The following C13orf42 variants were observed in gnomAD, a reference collection of about 807,000 sequenced individuals.
C13orf42 encodes the protein chromosome 13 open reading frame 42.
intron 1 of C13orf42, among the ~76,000 whole-genome samples, chr13:51,152,920 G>A (rs145502861): frequency 3.0e-4 from 46 of 152,216 alleles, no homozygotes; most frequent in South Asian, 2.1e-4. Context: ...GCAGAGCTGC[G>A]TCATGTTCGC....
At chr13:51,141,101 T>TGG (rs1050568145) in intron 1 of C13orf42, among the ~76,000 whole-genome samples, 6 of 115,390 alleles carry the variant, frequency 5.2e-5, no homozygotes, top group Non-Finnish European at 1.1e-4. Context: ...GGGAGGTGTG[T>TGG]GTGTGTGTGT....
chr13:51,147,728 C>CAAAAAAAAACAAAT (rs1042760237), intron 1 of C13orf42, among the ~76,000 whole-genome samples: 8 of 25,954 alleles, frequency 3.1e-4, no homozygotes, highest in African/African-American at 2.0e-3. Flanking sequence ...GACTGTGTCT[C>CAAAAAAAAACAAAT]AAAAAAAAAC....
intron 1 of C13orf42, among the ~76,000 whole-genome samples, chr13:51,134,270 T>C (rs9563027): frequency 0.38 from 57,535 of 151,972 alleles, 11,673 homozygotes; most frequent in African/African-American, 0.53. Context: ...GGGTTCAACA[T>C]ATTCAATGAC....
chr13:51,149,099 T>G (rs535125588), intron 1 of C13orf42, among the ~76,000 whole-genome samples: 48 of 152,298 alleles, frequency 3.2e-4, no homozygotes, highest in African/African-American at 1.1e-3. Flanking sequence ...CAAGAAGGGC[T>G]GGGCAAGAAT....
intron 1 of C13orf42, among the ~76,000 whole-genome samples, chr13:51,147,692 GCA>G (rs1953748215): frequency 6.6e-6 from 1 of 151,928 alleles, no homozygotes; most frequent in East Asian, 1.9e-4. Context: ...TCGCACCATT[GCA>G]CTCCAGCCTG....
intron 1 of C13orf42, among the ~76,000 whole-genome samples, chr13:51,168,939 T>C (rs1334212841): frequency 6.6e-6 from 1 of 152,200 alleles, no homozygotes; most frequent in African/African-American, 2.4e-5. Context: ...TAATTGTAAG[T>C]TTCCTGAGGC....
chr13:51,171,484 G>A (rs1201339650), intron 1 of C13orf42, among the ~76,000 whole-genome samples: 2 of 151,788 alleles, frequency 1.3e-5, no homozygotes, highest in Admixed American at 6.6e-5. Flanking sequence ...CCCAAGCGTC[G>A]CTGAGTCTTT....
At chr13:51,121,033 G>A (rs1377930148) in intron 1 of C13orf42, among the ~76,000 whole-genome samples, 3 of 152,102 alleles carry the variant, frequency 2.0e-5, no homozygotes, top group African/African-American at 4.8e-5. Context: ...ATAAATGCCC[G>A]TCATAATAAA....
At chr13:51,164,479 T>C (rs1953890374) in intron 1 of C13orf42, among the ~76,000 whole-genome samples, 2 of 152,018 alleles carry the variant, frequency 1.3e-5, no homozygotes, top group South Asian at 4.2e-4. Flanking sequence ...CTAGGCAACA[T>C]AGTGAGACCC....
chr13:51,141,576 G>C (rs12873258), intron 1 of C13orf42, among the ~76,000 whole-genome samples: 18,888 of 151,990 alleles, frequency 0.12, 1,295 homozygotes, highest in African/African-American at 0.16. Flanking sequence ...GAGGTGGGCG[G>C]GTCATGAGGT....
chr13:51,169,230 T>C (rs1175724721), intron 1 of C13orf42, among the ~76,000 whole-genome samples: 1 of 152,176 alleles, frequency 6.6e-6, no homozygotes, highest in African/African-American at 2.4e-5. Context: ...CTTGTTAAAT[T>C]GTTGTGCCCA....
intron 1 of C13orf42, among the ~76,000 whole-genome samples, chr13:51,126,106 T>C (rs535125624): frequency 1.3e-5 from 2 of 152,242 alleles, no homozygotes; most frequent in South Asian, 4.1e-4. Context: ...GCCGGGTGGA[T>C]GTATATTCAC....
At chr13:51,153,344 C>G (rs1022173860) in intron 1 of C13orf42, among the ~76,000 whole-genome samples, 1 of 151,978 alleles carries the variant, frequency 6.6e-6, no homozygotes, top group East Asian at 1.9e-4. Flanking sequence ...CCCAGGGCAT[C>G]AAGATGAGGT....
rs1394745276 is a variant in C13orf42, at chr13:51,086,187, G to A, written c.563-628C>T. 2.0e-5 allele frequency among the ~76,000 whole-genome samples: 3 copies of A among 152,048 alleles called. No homozygotes were observed. The East Asian group carries it at 5.8e-4, about 29-fold the overall frequency. Reference sequence around the variant, plus strand: ...CCGGGCGTGGTGGTGAGCGCCCGTAGTCCCAGCTACTCGGGAGGCTGAGGC... The same window carrying A: ...CCGGGCGTGGTGGTGAGCGCCCGTAATCCCAGCTACTCGGGAGGCTGAGGC... On this transcript the variant is annotated intron_variant, in intron 2 of 3. Transcript: ENST00000563710.
At chr13:51,121,082 G>A (rs1953531263) in intron 1 of C13orf42, among the ~76,000 whole-genome samples, 1 of 152,130 alleles carries the variant, frequency 6.6e-6, no homozygotes, top group African/African-American at 2.4e-5. Flanking sequence ...GGGTTTTAAG[G>A]GTTCTCCAGC....
intron 1 of C13orf42, among the ~76,000 whole-genome samples, chr13:51,168,692 T>C (rs1485926743): frequency 6.6e-6 from 1 of 152,248 alleles, no homozygotes; most frequent in Non-Finnish European, 1.5e-5. Context: ...TAATATGGTT[T>C]GAATGTCTGT....
At chr13:51,095,773 C>T (rs1396148160) in intron 1 of C13orf42, among the ~76,000 whole-genome samples, 1 of 151,994 alleles carries the variant, frequency 6.6e-6, no homozygotes, top group Middle Eastern at 3.2e-3. Context: ...CCACCTGTTC[C>T]GTTAGGGCTT....
intron 1 of C13orf42, among the ~76,000 whole-genome samples, chr13:51,155,714 T>C (rs116615140): frequency 3.3e-5 from 5 of 152,330 alleles, no homozygotes; most frequent in African/African-American, 1.2e-4. Context: ...CGCATTCTTC[T>C]ATTTATATCT....
At chr13:51,164,464 C>T (rs1490865587) in intron 1 of C13orf42, among the ~76,000 whole-genome samples, 1 of 152,158 alleles carries the variant, frequency 6.6e-6, no homozygotes, top group Non-Finnish European at 1.5e-5. Flanking sequence ...GAGTTCAAGA[C>T]CAGCCTAGGC....
Sources: allele counts gnomAD v4.1 joint callset (sites outside exome capture counted in the v4.1 genomes callset), GRCh38; gene constraint gnomAD v4.1.1; transcripts MANE v1.5; gene names NCBI Gene and HGNC (gene_info 2026-07-23, HGNC 2026-07-21).